CRYGA: variants seen among roughly 807,000 people sequenced by gnomAD.
CRYGA encodes the protein crystallin gamma A, also known as gamma-crystallin A.
CRYGA carries 11 observed loss-of-function variants against 13.8 expected under a neutral mutation model. The observed-to-expected ratio is 0.80, with a 90% CI of 0.50 to 1.32. The LOEUF is 1.32. Ranked by LOEUF, CRYGA falls within the 40% of genes most tolerant of loss-of-function variation. The pLI is 0.00. For missense variants in CRYGA, 271 were observed against 234.1 expected (o/e 1.16, Z -1.03); for synonymous variants, 97 against 89.3 (o/e 1.09, Z -0.48).
chr2:208,161,349 A>G (rs545665274), intron 2 of CRYGA, among the ~76,000 whole-genome samples: 2 of 151,902 alleles, frequency 1.3e-5, no homozygotes, highest in African/African-American at 4.8e-5. Flanking sequence ...ATTTATTTTT[A>G]AAAATTTTTT....
Position 208,163,202 on chromosome 2 carries a change from A to C in CRYGA, c.252+2T>G, listed in dbSNP as rs768912260. The C allele has an allele frequency of 6.2e-7, 1 of 1,611,444 alleles. No homozygotes were observed. The highest frequency in any genetic ancestry group is 1.1e-5 in the South Asian group (1 of 90,968). On this transcript the variant is annotated splice_donor_variant, in intron 2 of 2. Transcript: ENST00000304502. LOFTEE classifies it high-confidence loss of function. ...CATCAGTCAAGTTGAAGCAAGACTC[A>C]CATGAGGAATTATACGGCAGGATTG...
rs932782416 is a variant in CRYGA at position 208,161,073 on chromosome 2, T to A, written c.256A>T (p.Ser86Cys). The A allele has an allele frequency of 9.9e-6, 16 of 1,613,616 alleles. No homozygotes were observed. Among genetic ancestry groups the A allele is most frequent in the Non-Finnish European group, 1.3e-5 (15 of 1,179,668 alleles). Residue 86 changes from serine (S) to cysteine (C), a missense_variant, in exon 3 of 3, where the codon AGC becomes TGC. Ser to Cys is a moderately radical substitution (Grantham distance 112). Transcript: ENST00000304502. ...VQSCRIIPHTSSHKLRLYERD... is the reference protein window; with the variant it reads ...VQSCRIIPHTCSHKLRLYERD... ...TCGTACAGCCTTAACTTGTGCGAGC[T>A]GGTCTGTCATGGCAATAAACAAAAG...
Position 208,160,773 on chromosome 2 carries a change from T to C in CRYGA, c.*31A>G. The C allele has an allele frequency of 7.2e-7, 1 of 1,390,292 alleles. No homozygotes were observed. Among genetic ancestry groups the C allele is most frequent in the South Asian group, 1.2e-5 (1 of 81,208 alleles). The allele number at this position is 1,390,292 out of a possible 1,614,324, so 86.1% of individuals were successfully genotyped here. Reference sequence around the variant, plus strand: ...ACACAACTTGTATATTTATTATGTTTCTATGGGGATCACAACAAGGCAGGC... The same window carrying C: ...ACACAACTTGTATATTTATTATGTTCCTATGGGGATCACAACAAGGCAGGC... On this transcript the variant is annotated 3_prime_UTR_variant, in exon 3 of 3. Coordinates refer to ENST00000304502, the MANE Select transcript of CRYGA (RefSeq NM_014617.4).
rs1160335186 is a variant in CRYGA, at chr2:208,162,994, GT to G, written c.252+209del. ...CCAAGTTTAATTTAAAGGCTATGTT[GT>G]GATTTCCCATGCCCTAAAATGATGT... On this transcript the variant is annotated intron_variant, in intron 2 of 2. Coordinates refer to ENST00000304502, the MANE Select transcript of CRYGA (RefSeq NM_014617.4). Among the ~76,000 whole-genome samples, 2 of 148,728 alleles carry G rather than the reference GT, an allele frequency of 1.3e-5. 1 individual carries two copies. The highest frequency in any genetic ancestry group is 5.0e-5 in the African/African-American group (2 of 40,272).
At chr2:208,161,456 AAAT>A (rs201522713) in intron 2 of CRYGA, among the ~76,000 whole-genome samples, 138,693 of 152,282 alleles carry the variant, frequency 0.91, 63,669 homozygotes, top group Non-Finnish European at 0.96. Context: ...TTGGGATTAC[AAAT>A]GTTGGGATTG....
intron 2 of CRYGA, among the ~76,000 whole-genome samples, chr2:208,161,360 T>A (rs1449362810): frequency 6.6e-6 from 1 of 152,084 alleles, no homozygotes; most frequent in Non-Finnish European, 1.5e-5. Flanking sequence ...AAAATTTTTT[T>A]GTAGAGAGGG....
At chr2:208,161,126 G>A (rs534897186) in intron 2 of CRYGA, 50 bp from the exon 3 acceptor site, 5 of 1,566,850 alleles carry the variant, frequency 3.2e-6, no homozygotes, top group Admixed American at 3.5e-5. Context: ...TGCATCCTTG[G>A]GTGTCAACGA....
At position 208,160,966 on chromosome 2, in the gene CRYGA, G is replaced by C. The variant is rs1053107516; in HGVS notation, c.363C>G (p.Ile121Met). The C allele has an allele frequency of 3.1e-6, 5 of 1,613,960 alleles. No individual in the cohort carries two copies. Among genetic ancestry groups the C allele is most frequent in the Non-Finnish European group, 4.2e-6 (5 of 1,179,900 alleles). The stretch of plus-strand genomic sequence containing the variant: ...AGCCCTCCAGTACGTGGAGGGAATA[G>C]ATCTCAGGGAGACGGAACAGTTCTG... Reference protein sequence around the residue: ...CVPELFRLPEIYSLHVLEGCW... With the variant: ...CVPELFRLPEMYSLHVLEGCW... Residue 121 changes from isoleucine to methionine, a missense_variant, in exon 3 of 3, where the codon ATC (isoleucine) becomes ATG (methionine). Coordinates refer to ENST00000304502, the MANE Select transcript of CRYGA (RefSeq NM_014617.4).
rs1695745484 is a variant in CRYGA, at chr2:208,160,968, T to A, written c.361A>T (p.Ile121Phe). Residue 121 changes from isoleucine (I) to phenylalanine (F), a missense_variant, in exon 3 of 3, where the codon ATC (isoleucine) becomes TTC (phenylalanine). Physicochemically the swap from Ile to Phe is conservative, Grantham distance 21. Transcript: ENST00000304502. Reference sequence around the variant, plus strand: ...CCCTCCAGTACGTGGAGGGAATAGATCTCAGGGAGACGGAACAGTTCTGGA... The same window carrying A: ...CCCTCCAGTACGTGGAGGGAATAGAACTCAGGGAGACGGAACAGTTCTGGA... Reference protein sequence around the residue: ...CVPELFRLPEIYSLHVLEGCW... With the variant: ...CVPELFRLPEFYSLHVLEGCW... 1 of 1,613,844 alleles carries A rather than the reference T, an allele frequency of 6.2e-7. No homozygotes were observed. The highest frequency in any genetic ancestry group is 8.5e-7 in the Non-Finnish European group (1 of 1,179,904).
At chr2:208,163,109 C>T in intron 2 of CRYGA, 95 bp downstream of exon 2, 1 of 1,013,682 alleles carries the variant, frequency 9.9e-7, no homozygotes, top group Non-Finnish European at 1.5e-6. Flanking sequence ...TGTGAACACT[C>T]ATCCTGTGTT....
chr2:208,160,907 C>G lies in CRYGA; in HGVS notation c.422G>C (p.Gly141Ala). The change falls in exon 3 of 3, where the codon GGG becomes GCG. Residue 141 changes from glycine (G) to alanine (A), a missense_variant. Transcript: ENST00000304502. ...WVLYEMPNYR[G>A]RQYLLRPGDY... ...CCCAGGCCTCAGCAGATACTGCCGC[C>G]CCCGGTAGTTGGGCATTTCATAGAG... 1 of 1,613,060 alleles carries G rather than the reference C, an allele frequency of 6.2e-7. No individual in the cohort carries two copies. The highest frequency in any genetic ancestry group is 2.2e-5 in the East Asian group (1 of 44,852).
chr2:208,162,207 G>A (rs1003172031), intron 2 of CRYGA, among the ~76,000 whole-genome samples: 28 of 152,120 alleles, frequency 1.8e-4, no homozygotes, highest in African/African-American at 5.8e-4. Context: ...AAAGTGCTAG[G>A]ATTACGGGCG....
In CRYGA at chr2:208,160,753, A is replaced by G. The variant is rs757258947; in HGVS notation, c.*51T>C. 22 of 1,080,066 alleles carry G rather than the reference A, an allele frequency of 2.0e-5. No homozygotes were observed. In the Admixed American group the frequency reaches 4.8e-4, roughly 23 times the overall value. 66.9% of individuals were successfully genotyped at this position (1,080,066 alleles called of 1,614,324 possible). A position where few individuals can be genotyped will look rare whatever the true frequency, so the allele number is the denominator to read the frequency against. ...AGAGCCACTTAGTGCAGGGAACACA[A>G]CTTGTATATTTATTATGTTTCTATG... On this transcript the variant is annotated 3_prime_UTR_variant, in exon 3 of 3. Transcript: ENST00000304502.
intron 2 of CRYGA, among the ~76,000 whole-genome samples, chr2:208,161,615 A>T (rs938112569): frequency 7.9e-5 from 12 of 152,240 alleles, no homozygotes; most frequent in Non-Finnish European, 1.3e-4. Context: ...TGTGGAAGAA[A>T]CAAACATTAA....
chr2:208,163,132 CTT>C, intron 2 of CRYGA, 70 bp downstream of exon 2: 1 of 1,389,594 alleles, frequency 7.2e-7, no homozygotes, highest in Non-Finnish European at 1.0e-6. Flanking sequence ...AACAAACTGA[CTT>C]TTATAAACAG....
intron 2 of CRYGA, among the ~76,000 whole-genome samples, chr2:208,162,623 C>CACCT (rs1559333098): frequency 2.6e-5 from 4 of 151,346 alleles, no homozygotes; most frequent in East Asian, 3.9e-4. Flanking sequence ...TTTGGGAGGC[C>CACCT]GAGGTCGGGA....
In CRYGA at chr2:208,160,894, C is replaced by T. The variant is rs1414280639; in HGVS notation, c.435G>A (p.Leu145=). The change falls in exon 3 of 3, where the codon CTG becomes CTA. Residue 145 remains leucine (L), a synonymous_variant. Transcript: ENST00000304502. ...EMPNYRGRQY[L]LRPGDYRRYH... ...ACCTTCTGTAGTCCCCAGGCCTCAGCAGATACTGCCGCCCCCGGTAGTTGG... is the reference window on the plus strand; with the variant it reads ...ACCTTCTGTAGTCCCCAGGCCTCAGTAGATACTGCCGCCCCCGGTAGTTGG... 1 of 1,612,970 alleles carries T rather than the reference C, an allele frequency of 6.2e-7. No homozygotes were observed. Among genetic ancestry groups the T allele is most frequent in the Admixed American group, 1.7e-5 (1 of 59,982 alleles).
rs369908341 is a variant in CRYGA at position 208,163,497 on chromosome 2, C to G, written c.9+51G>C. 14 of 1,612,174 alleles carry G rather than the reference C, an allele frequency of 8.7e-6. No individual in the cohort carries two copies. In the African/African-American group the frequency reaches 1.9e-4, roughly 22 times the overall value. Reference sequence around the variant, plus strand: ...GACAGTCAGCTGGAAGGAACATCCCCACACACCACAGACCCCCAATAGACA... The same window carrying G: ...GACAGTCAGCTGGAAGGAACATCCCGACACACCACAGACCCCCAATAGACA... On this transcript the variant is annotated intron_variant, in intron 1 of 2. Coordinates refer to ENST00000304502, the MANE Select transcript of CRYGA (RefSeq NM_014617.4).
rs1695749211 is a variant in CRYGA at position 208,161,083 on chromosome 2, T to C, written c.253-7A>G. Reference sequence around the variant, plus strand: ...TTAACTTGTGCGAGCTGGTCTGTCATGGCAATAAACAAAAGAACAAAAATA... The same window carrying C: ...TTAACTTGTGCGAGCTGGTCTGTCACGGCAATAAACAAAAGAACAAAAATA... On this transcript the variant is annotated splice_region_variant and splice_polypyrimidine_tract_variant and intron_variant, in intron 2 of 2. Coordinates refer to ENST00000304502, the MANE Select transcript of CRYGA (RefSeq NM_014617.4). 6.2e-7 allele frequency: 1 copy of C among 1,611,492 alleles called. No individual in the cohort carries two copies. The highest frequency in any genetic ancestry group is 1.1e-5 in the South Asian group (1 of 91,024).
Sources: allele counts gnomAD v4.1 joint callset (sites outside exome capture counted in the v4.1 genomes callset), GRCh38; gene constraint gnomAD v4.1.1; transcripts MANE v1.5; gene names NCBI Gene and HGNC (gene_info 2026-07-23, HGNC 2026-07-21).